The following PDE11A variants were observed in gnomAD, a reference collection of about 807,000 sequenced individuals.
The protein encoded by PDE11A is phosphodiesterase 11A.
Under a neutral mutation model 100.5 loss-of-function variants are expected in PDE11A, and 100 were observed. The observed-to-expected ratio is 1.00, with a 90% CI of 0.85 to 1.18. The LOEUF is 1.18. Among genes scored for constraint, PDE11A ranks in the 50% most tolerant of loss-of-function variants. PDE11A has a pLI of 0.00. For missense variants in PDE11A, 1,141 were observed against 1,152.6 expected, an observed-to-expected ratio of 0.99 and a Z score of 0.15; for synonymous variants, 381 against 420.8, an observed-to-expected ratio of 0.91 and a Z score of 1.16.
intron 6 of PDE11A, among the ~76,000 whole-genome samples, chr2:177,838,325 T>A (rs566962012): frequency 6.9e-4 from 105 of 152,330 alleles, no homozygotes; most frequent in African/African-American, 2.4e-3. Context: ...AACTACTAGA[T>A]TTTCTTCTGT....
In PDE11A at chr2:177,775,771, C is replaced by T. The variant is rs143145276; in HGVS notation, c.1738-6398G>A. On this transcript the variant is annotated intron_variant, in intron 9 of 19. Coordinates refer to ENST00000286063, the MANE Select transcript of PDE11A (RefSeq NM_016953.4). Reference sequence around the variant, plus strand: ...AATGTCACCCCTTCAGTGACTTATTCCCTGACCACCATGAGAAATCAGCCT... The same window carrying T: ...AATGTCACCCCTTCAGTGACTTATTTCCTGACCACCATGAGAAATCAGCCT... Among the ~76,000 whole-genome samples, 8 of 152,324 alleles carry T rather than the reference C, an allele frequency of 5.3e-5. No individual in the cohort carries two copies. The East Asian group carries it at 1.5e-3, about 29-fold the overall frequency.
intron 4 of PDE11A, among the ~76,000 whole-genome samples, chr2:177,885,224 A>G (rs6745398): frequency 0.3 from 35,096 of 118,634 alleles, 4,205 homozygotes; most frequent in Middle Eastern, 0.36. Flanking sequence ...GTGTGTGTGT[A>G]TATATAGTAC....
chr2:177,845,833 G>T (rs970490356), intron 5 of PDE11A, among the ~76,000 whole-genome samples: 1 of 152,222 alleles, frequency 6.6e-6, no homozygotes, highest in Non-Finnish European at 1.5e-5. Context: ...GCTGGAGACC[G>T]GCCTGGCCAA....
At chr2:177,669,865 A>G (rs1416272642) in intron 17 of PDE11A, among the ~76,000 whole-genome samples, 2 of 152,246 alleles carry the variant, frequency 1.3e-5, no homozygotes, top group Admixed American at 6.5e-5. Context: ...CAAAGCAGGA[A>G]AAGTTCTTAT....
chr2:177,879,460 GT>G (rs1305841854), intron 4 of PDE11A, among the ~76,000 whole-genome samples: 1 of 152,144 alleles, frequency 6.6e-6, no homozygotes, highest in African/African-American at 2.4e-5. Flanking sequence ...CGTCTTATGT[GT>G]CAGGCAGTGT....
At chr2:177,759,683 C>T (rs2082142953) in intron 10 of PDE11A, among the ~76,000 whole-genome samples, 1 of 152,186 alleles carries the variant, frequency 6.6e-6, no homozygotes, top group Admixed American at 6.5e-5. Flanking sequence ...GAACCATATA[C>T]TCTCTTGCTA....
At chr2:177,830,436 C>A (rs1349019273) in intron 6 of PDE11A, among the ~76,000 whole-genome samples, 9 of 151,848 alleles carry the variant, frequency 5.9e-5, no homozygotes, top group Admixed American at 5.9e-4. Flanking sequence ...CCTGTCTCTG[C>A]TAAAAATACG....
At chr2:177,931,564 G>A (rs979165462) in intron 2 of PDE11A, among the ~76,000 whole-genome samples, 1 of 152,108 alleles carries the variant, frequency 6.6e-6, no homozygotes, top group African/African-American at 2.4e-5. Flanking sequence ...GATAAAAGAC[G>A]CAATCAAGGC....
intron 2 of PDE11A, among the ~76,000 whole-genome samples, chr2:177,935,536 C>A (rs1574290587): frequency 6.6e-6 from 1 of 152,200 alleles, no homozygotes; most frequent in Non-Finnish European, 1.5e-5. Flanking sequence ...CATGACACAA[C>A]AAATCACAGG....
intron 1 of PDE11A, among the ~76,000 whole-genome samples, chr2:178,023,577 T>A (rs773691318): frequency 5.3e-5 from 8 of 152,316 alleles, no homozygotes; most frequent in Non-Finnish European, 1.2e-4. Context: ...TCTTGACCAA[T>A]GTTTAATCTA....
intron 2 of PDE11A, among the ~76,000 whole-genome samples, chr2:177,950,910 CAA>C (rs1288251437): frequency 6.6e-6 from 1 of 150,726 alleles, no homozygotes; most frequent in Non-Finnish European, 1.5e-5. Context: ...CCGGCCTGGG[CAA>C]AAGAGTGAGA....
intron 2 of PDE11A, among the ~76,000 whole-genome samples, chr2:178,103,950 C>A (rs1384753039): frequency 6.6e-6 from 1 of 152,150 alleles, no homozygotes; most frequent in African/African-American, 2.4e-5. Flanking sequence ...TATAGTATTT[C>A]TCCCACTCTG....
chr2:177,639,133 T>C (rs978350351), intron 19 of PDE11A, among the ~76,000 whole-genome samples: 1 of 152,224 alleles, frequency 6.6e-6, no homozygotes, highest in African/African-American at 2.4e-5. Flanking sequence ...AGAAATTCTA[T>C]CCAGGCCACA....
At chr2:177,768,059 T>G (rs1433506133) in intron 10 of PDE11A, among the ~76,000 whole-genome samples, 1 of 152,182 alleles carries the variant, frequency 6.6e-6, no homozygotes, top group Non-Finnish European at 1.5e-5. Context: ...CCAAAGCATC[T>G]CTCTATGTCA....
chr2:177,772,388 T>C lies in PDE11A; in HGVS notation c.1738-3015A>G, dbSNP rs561366726. ...AATAGCCAACTTATAGGTATTGTATTAATATTCAATTAAAATTCTACCAAA... is the reference window on the plus strand; with the variant it reads ...AATAGCCAACTTATAGGTATTGTATCAATATTCAATTAAAATTCTACCAAA... On this transcript the variant is annotated intron_variant, in intron 9 of 19. Coordinates refer to ENST00000286063, the MANE Select transcript of PDE11A (RefSeq NM_016953.4). 3.7e-4 allele frequency among the ~76,000 whole-genome samples: 56 copies of C among 152,318 alleles called. 1 individual carries two copies. The South Asian group carries it at 0.011, about 31-fold the overall frequency.
At chr2:177,779,622 T>C (rs2082424800) in intron 9 of PDE11A, among the ~76,000 whole-genome samples, 1 of 152,254 alleles carries the variant, frequency 6.6e-6, no homozygotes, top group Admixed American at 6.5e-5. Flanking sequence ...AAGCAACTCC[T>C]CATCTGTTCA....
intron 15 of PDE11A, among the ~76,000 whole-genome samples, chr2:177,684,755 T>C (rs952044184): frequency 6.6e-6 from 1 of 152,218 alleles, no homozygotes; most frequent in African/African-American, 2.4e-5. Context: ...CAAAATTAGG[T>C]TATCAGTAAG....
intron 9 of PDE11A, among the ~76,000 whole-genome samples, chr2:177,802,361 C>A (rs1165369814): frequency 5.3e-5 from 8 of 151,848 alleles, no homozygotes. Flanking sequence ...TAGGTATTAG[C>A]CCAAGAGAAA....
chr2:177,711,314 A>G (rs893378428), intron 13 of PDE11A, among the ~76,000 whole-genome samples: 11 of 152,236 alleles, frequency 7.2e-5, no homozygotes, highest in Admixed American at 7.2e-4. Flanking sequence ...TTATTTTACT[A>G]TAGTTTATAT....
Sources: allele counts gnomAD v4.1 joint callset (sites outside exome capture counted in the v4.1 genomes callset), GRCh38; gene constraint gnomAD v4.1.1; transcripts MANE v1.5; gene names NCBI Gene and HGNC (gene_info 2026-07-23, HGNC 2026-07-21).